L3MBTL3: variants seen among roughly 807,000 people sequenced by gnomAD.
L3MBTL3 encodes the protein lethal(3)malignant brain tumor-like protein 3.
In L3MBTL3, 27 loss-of-function variants were observed where a neutral mutation model predicts 102.3. That is an observed-to-expected ratio of 0.26 (90% confidence interval 0.19 to 0.36). The LOEUF is 0.36. Ranked by LOEUF, L3MBTL3 falls within the 10% of genes least tolerant of loss-of-function variation. The probability of loss-of-function intolerance (pLI) is 1.00; values close to 1 mark genes in which losing one functional copy is unlikely to be tolerated. For synonymous variants in L3MBTL3, 340 were observed against 320.9 expected (o/e 1.06, Z -0.64); for missense variants, 798 against 955.3 (o/e 0.84, Z 2.17).
intron 20 of L3MBTL3, among the ~76,000 whole-genome samples, chr6:130,121,719 G>GA (rs370330900): frequency 0.038 from 5,628 of 149,524 alleles, 198 homozygotes; most frequent in African/African-American, 0.089. Flanking sequence ...ATCACAAAAT[G>GA]AAAAAAAAAA....
At chr6:130,025,402 A>G (rs1240497940) in intron 2 of L3MBTL3, among the ~76,000 whole-genome samples, 1 of 152,200 alleles carries the variant, frequency 6.6e-6, no homozygotes, top group African/African-American at 2.4e-5. Context: ...ATAGTGGGAA[A>G]TGATGAACGG....
chr6:130,135,284 G>A lies in L3MBTL3; in HGVS notation c.2199+1379G>A, dbSNP rs538535229. Among the ~76,000 whole-genome samples, 9 of 151,786 alleles carry A rather than the reference G, an allele frequency of 5.9e-5. No individual in the cohort carries two copies. In the South Asian group the frequency reaches 1.7e-3, roughly 28 times the overall value. ...TCACCGTGTTGGCCAGGCTGGTCTC[G>A]AACTCCTGACCTCAGGTGATCTGCC... On this transcript the variant is annotated intron_variant, in intron 22 of 22. Transcript: ENST00000361794.
intron 2 of L3MBTL3, among the ~76,000 whole-genome samples, chr6:130,039,739 T>A (rs1780300053): frequency 6.6e-6 from 1 of 152,188 alleles, no homozygotes; most frequent in African/African-American, 2.4e-5. Flanking sequence ...TTTAAACATT[T>A]TTGCAAATCT....
At chr6:130,101,799 A>G (rs1248643906) in intron 18 of L3MBTL3, among the ~76,000 whole-genome samples, 4 of 152,216 alleles carry the variant, frequency 2.6e-5, no homozygotes, top group Non-Finnish European at 5.9e-5. Context: ...CAAGTTAGGC[A>G]GAATTGGTTT....
At chr6:130,028,905 T>C (rs1392932564) in intron 2 of L3MBTL3, among the ~76,000 whole-genome samples, 1 of 152,210 alleles carries the variant, frequency 6.6e-6, no homozygotes, top group African/African-American at 2.4e-5. Context: ...AGCAGCCTAG[T>C]TGTTAGAATT....
At chr6:130,071,254 A>C (rs1782622544) in intron 13 of L3MBTL3, 127 bp downstream of exon 13, 1 of 826,418 alleles carries the variant, frequency 1.2e-6, no homozygotes. Context: ...TTCCTGTTAC[A>C]GATTTTTAAT....
In L3MBTL3 at chr6:130,112,687, A is replaced by T. The variant is rs140235006; in HGVS notation, c.1886+8112A>T. Among the ~76,000 whole-genome samples the T allele has an allele frequency of 1.7e-4, 26 of 151,990 alleles. No homozygotes were observed. In the East Asian group the frequency reaches 4.5e-3, roughly 26 times the overall value. ...GTACCCTAGGATTCAGGGCATCCTC[A>T]TCGGGAAGCTCTGCCCCATATTAAG... On this transcript the variant is annotated intron_variant, in intron 19 of 22. Coordinates refer to ENST00000361794, the MANE Select transcript of L3MBTL3 (RefSeq NM_032438.4).
chr6:130,135,387 C>G (rs1787539071), intron 22 of L3MBTL3, among the ~76,000 whole-genome samples: 1 of 152,126 alleles, frequency 6.6e-6, no homozygotes, highest in African/African-American at 2.4e-5. Flanking sequence ...TATCGCTGAG[C>G]AGACTTAGAG....
intron 18 of L3MBTL3, among the ~76,000 whole-genome samples, chr6:130,096,978 G>T (rs1784397494): frequency 6.6e-6 from 1 of 152,108 alleles, no homozygotes; most frequent in Non-Finnish European, 1.5e-5. Flanking sequence ...TGTGCCTTGG[G>T]CAGAGTTGTT....
At chr6:130,052,825 T>A (rs772834493) in intron 6 of L3MBTL3, 34 bp from the exon 7 acceptor site, 3 of 1,602,502 alleles carry the variant, frequency 1.9e-6, no homozygotes, top group Non-Finnish European at 2.6e-6. Context: ...AGGTATTGTC[T>A]CTTGTCACTA....
chr6:130,132,484 T>C (rs985552568), intron 20 of L3MBTL3, among the ~76,000 whole-genome samples: 1 of 152,172 alleles, frequency 6.6e-6, no homozygotes, highest in Non-Finnish European at 1.5e-5. Flanking sequence ...CTTAGAGATA[T>C]AAAAGCAAGG....
chr6:130,047,485 A>G (rs974847964), intron 3 of L3MBTL3, among the ~76,000 whole-genome samples: 4 of 152,282 alleles, frequency 2.6e-5, no homozygotes, highest in Admixed American at 2.6e-4. Flanking sequence ...TTTGAAATGG[A>G]GGGTGGTTTG....
chr6:130,127,233 G>A (rs1786668038), intron 20 of L3MBTL3, among the ~76,000 whole-genome samples: 1 of 152,170 alleles, frequency 6.6e-6, no homozygotes, highest in African/African-American at 2.4e-5. Context: ...GTTGGCAATA[G>A]CATTTCTTTT....
At chr6:130,036,431 G>T (rs1207226729) in intron 2 of L3MBTL3, among the ~76,000 whole-genome samples, 3 of 152,104 alleles carry the variant, frequency 2.0e-5, no homozygotes, top group Admixed American at 1.3e-4. Context: ...TGAAAATATG[G>T]GTGAAAACTA....
chr6:130,086,769 T>C lies in L3MBTL3; in HGVS notation c.1518+519T>C, dbSNP rs977387694. Among the ~76,000 whole-genome samples the C allele has an allele frequency of 3.9e-5, 6 of 152,190 alleles. No individual in the cohort carries two copies. In the East Asian group the frequency reaches 9.6e-4, roughly 24 times the overall value. ...GGGATCAGCTTGTTATGTCCAGCCA[T>C]GATAAAGTGAAGTGGAGTTCAGGAA... is the stretch of plus-strand genomic sequence containing the variant. On this transcript the variant is annotated intron_variant, in intron 16 of 22. Coordinates refer to ENST00000361794, the MANE Select transcript of L3MBTL3 (RefSeq NM_032438.4).
chr6:130,102,775 T>G (rs186697680), intron 18 of L3MBTL3, among the ~76,000 whole-genome samples: 109 of 152,314 alleles, frequency 7.2e-4, no homozygotes, highest in African/African-American at 2.3e-3. Context: ...CTCGGGTGCT[T>G]CTTCTCCAAG....
At chr6:130,037,601 T>G (rs1364782185) in intron 2 of L3MBTL3, among the ~76,000 whole-genome samples, 1 of 152,162 alleles carries the variant, frequency 6.6e-6, no homozygotes, top group Non-Finnish European at 1.5e-5. Context: ...GTTTTGAGGC[T>G]GCAGTCTTAA....
At position 130,030,246 on chromosome 6, in the gene L3MBTL3, A is replaced by G. The variant is rs142096042; in HGVS notation, c.-16+7941A>G. Among the ~76,000 whole-genome samples, 644 of 152,110 alleles carry G rather than the reference A, an allele frequency of 4.2e-3. 7 individuals carry two copies. The highest frequency in any genetic ancestry group is 0.02 in the Admixed American group (298 of 15,278). ...ACTCTAGTGTACATAATTTTTTTTAAAAAAAGTTTTTACACCCCTATGGAG... is the reference window on the plus strand; with the variant it reads ...ACTCTAGTGTACATAATTTTTTTTAGAAAAAGTTTTTACACCCCTATGGAG... On this transcript the variant is annotated intron_variant, in intron 2 of 22. Coordinates refer to ENST00000361794, the MANE Select transcript of L3MBTL3 (RefSeq NM_032438.4).
At chr6:130,128,684 C>T (rs984756575) in intron 20 of L3MBTL3, among the ~76,000 whole-genome samples, 11 of 152,100 alleles carry the variant, frequency 7.2e-5, no homozygotes, top group African/African-American at 2.4e-4. Flanking sequence ...TGTTAGCGTT[C>T]GTGCTTCATT....
Sources: gnomAD v4.1 joint callset for allele counts (sites outside exome capture counted in the v4.1 genomes callset) on GRCh38, gnomAD v4.1.1 for gene constraint, MANE v1.5 for transcripts, NCBI Gene and HGNC (gene_info 2026-07-23, HGNC 2026-07-21) for gene names.